Variants in DACH2 observed in about 807,000 individuals in gnomAD.
DACH2 encodes the protein dachshund family transcription factor 2, also known as dachshund homolog 2.
In DACH2, 17 loss-of-function variants were observed where a neutral mutation model predicts 35.8. That is an observed-to-expected ratio of 0.48 (90% CI 0.33 to 0.71). DACH2 has a LOEUF of 0.71. Ranked by LOEUF, DACH2 falls within the 30% of genes least tolerant of loss-of-function variation. The pLI is 0.02. For missense variants in DACH2, 469 were observed against 472.7 expected, an observed-to-expected ratio of 0.99 and a Z score of 0.07; for synonymous variants, 195 against 177.3, an observed-to-expected ratio of 1.10 and a Z score of -0.79.
intron 1 of DACH2, among the ~76,000 whole-genome samples, chrX:86,213,109 A>G (rs1210827553): frequency 9.0e-6 from 1 of 111,403 alleles, no homozygotes; most frequent in Admixed American, 9.6e-5. Context: ...AACGGCATAA[A>G]TTCCCTTTAC....
At chrX:86,772,810 A>G (rs767747357) in intron 7 of DACH2, among the ~76,000 whole-genome samples, 1 of 111,660 alleles carries the variant, frequency 9.0e-6, no homozygotes, top group South Asian at 3.8e-4. Context: ...AATTGCCTCA[A>G]GGGAGTCACA....
At chrX:86,317,309 CA>C (rs918572417) in intron 1 of DACH2, among the ~76,000 whole-genome samples, 9 of 110,105 alleles carry the variant, frequency 8.2e-5, no homozygotes, top group Non-Finnish European at 1.5e-4. Context: ...TTACTTTCTC[CA>C]AAAAAACGAA....
chrX:86,266,162 T>C (rs1458191833), intron 1 of DACH2, among the ~76,000 whole-genome samples: 1 of 111,366 alleles, frequency 9.0e-6, no homozygotes, highest in Non-Finnish European at 1.9e-5. Flanking sequence ...CACAGATTGC[T>C]GGGCCCCACC....
Position 86,678,716 on chromosome X carries a change from T to TA in DACH2, c.773-16296dup, listed in dbSNP as rs1051850226. 2.2e-4 allele frequency among the ~76,000 whole-genome samples: 24 copies of TA among 109,936 alleles called. No homozygotes were observed. In the South Asian group the frequency reaches 2.7e-3, roughly 12 times the overall value. On this transcript the variant is annotated intron_variant, in intron 4 of 11. Coordinates refer to ENST00000373125, the MANE Select transcript of DACH2 (RefSeq NM_053281.3). Reference sequence around the variant, plus strand: ...TAAGAACAATCATTAAAATGAAACATAAAAAAAAATAGGCTGCTTTCAAGT... The same window carrying TA: ...TAAGAACAATCATTAAAATGAAACATAAAAAAAAAATAGGCTGCTTTCAAGT...
chrX:86,426,697 G>T (rs904899511), intron 2 of DACH2, among the ~76,000 whole-genome samples: 1 of 110,994 alleles, frequency 9.0e-6, no homozygotes, highest in Non-Finnish European at 1.9e-5. Context: ...AATTTATCAT[G>T]CTTACTAGAA....
intron 1 of DACH2, among the ~76,000 whole-genome samples, chrX:86,254,807 T>TATATATAG (rs1380613474): frequency 3.8e-3 from 188 of 49,615 alleles, no homozygotes; most frequent in Non-Finnish European, 4.3e-3. Flanking sequence ...TATATATATA[T>TATATATAG]AGAGAGAGAG....
chrX:86,599,013 C>T (rs771149033), intron 3 of DACH2, among the ~76,000 whole-genome samples: 98 of 109,989 alleles, frequency 8.9e-4, no homozygotes, highest in African/African-American at 3.3e-3. Flanking sequence ...TCCAAGTGTT[C>T]TCATTGTTCA....
chrX:86,596,353 T>A (rs1373805236), intron 3 of DACH2, among the ~76,000 whole-genome samples: 8 of 111,645 alleles, frequency 7.2e-5, no homozygotes, highest in Non-Finnish European at 1.3e-4. Context: ...CAGCAATGTA[T>A]ATGAATTTTA....
At chrX:86,701,624 G>A (rs748907378) in intron 5 of DACH2, among the ~76,000 whole-genome samples, 9 of 111,484 alleles carry the variant, frequency 8.1e-5, no homozygotes, top group Non-Finnish European at 1.5e-4. Flanking sequence ...CCAAATGCCC[G>A]TCAACAGTAG....
At chrX:86,688,693 A>G (rs1255295906) in intron 4 of DACH2, among the ~76,000 whole-genome samples, 1 of 112,176 alleles carries the variant, frequency 8.9e-6, no homozygotes, top group Non-Finnish European at 1.9e-5. Flanking sequence ...TCATTGAATA[A>G]TGGTCAATTT....
intron 11 of DACH2, among the ~76,000 whole-genome samples, chrX:86,822,639 A>G (rs1306595415): frequency 1.8e-5 from 2 of 111,916 alleles, no homozygotes; most frequent in Non-Finnish European, 3.8e-5. Context: ...TAACAAGACT[A>G]TAGTATTTTC....
chrX:86,546,421 C>CTTCTTCTTCT (rs2038970108), intron 3 of DACH2, among the ~76,000 whole-genome samples: 2 of 81,200 alleles, frequency 2.5e-5, no homozygotes, highest in Admixed American at 1.4e-4. Flanking sequence ...CTTCTTCTTT[C>CTTCTTCTTCT]TTCTTCTTCT....
chrX:86,256,474 C>A (rs1254449524), intron 1 of DACH2, among the ~76,000 whole-genome samples: 1 of 111,339 alleles, frequency 9.0e-6, no homozygotes, highest in Non-Finnish European at 1.9e-5. Context: ...CTCTAAGATG[C>A]TTTCAATGGT....
chrX:86,396,239 G>GT (rs1310032228), intron 2 of DACH2, among the ~76,000 whole-genome samples: 12 of 107,589 alleles, frequency 1.1e-4, no homozygotes, highest in African/African-American at 4.1e-4. Flanking sequence ...GGGGTTGTTT[G>GT]TTTTTTTCTT....
chrX:86,556,813 G>C (rs1399280394), intron 3 of DACH2, among the ~76,000 whole-genome samples: 2 of 92,862 alleles, frequency 2.2e-5, no homozygotes, highest in Admixed American at 1.2e-4. Context: ...GAGAGAGAGA[G>C]AGAGAGAGAG....
intron 5 of DACH2, among the ~76,000 whole-genome samples, chrX:86,699,355 AAAAG>A (rs775813858): frequency 2.7e-5 from 3 of 112,511 alleles, no homozygotes; most frequent in Non-Finnish European, 1.9e-5. Flanking sequence ...GGCAATTTAC[AAAAG>A]AAAGAGATTT....
intron 4 of DACH2, among the ~76,000 whole-genome samples, chrX:86,690,921 A>C (rs5922273): frequency 9.1e-6 from 1 of 110,458 alleles, no homozygotes; most frequent in African/African-American, 3.3e-5. Context: ...TATTGTGCTA[A>C]AACAGTGATA....
chrX:86,445,216 C>A (rs998302589), intron 2 of DACH2, among the ~76,000 whole-genome samples: 6 of 108,749 alleles, frequency 5.5e-5, no homozygotes, highest in Admixed American at 1.0e-4. Context: ...TCGAATTTCA[C>A]TTTTCTCAAG....
chrX:86,334,188 C>T (rs777472760), intron 1 of DACH2, among the ~76,000 whole-genome samples: 25 of 111,983 alleles, frequency 2.2e-4, no homozygotes, highest in Non-Finnish European at 4.3e-4. Flanking sequence ...CAAGTCCTTG[C>T]TATTGTGAAC....
Sources: allele counts gnomAD v4.1 joint callset (sites outside exome capture counted in the v4.1 genomes callset), GRCh38; gene constraint gnomAD v4.1.1; transcripts MANE v1.5; gene names NCBI Gene and HGNC (gene_info 2026-07-23, HGNC 2026-07-21).